Variants in CNTN5 observed in about 807,000 individuals in gnomAD.
The protein encoded by CNTN5 is contactin-5.
CNTN5 carries 77 observed loss-of-function variants against 129.1 expected under a neutral mutation model. The ratio of observed to expected loss-of-function variants is 0.60; its 90% CI spans 0.50 to 0.72. The LOEUF is 0.72. Among genes scored for constraint, CNTN5 ranks in the 30% least tolerant of loss-of-function variants. CNTN5 has a pLI of 0.00. For synonymous variants in CNTN5, 509 were observed against 465.6 expected, an observed-to-expected ratio of 1.09 and a Z score of -1.20; for missense variants, 1,478 against 1,328.8, an observed-to-expected ratio of 1.11 and a Z score of -1.75.
chr11:99,492,383 G>T (rs1946070108), intron 2 of CNTN5, among the ~76,000 whole-genome samples: 1 of 152,124 alleles, frequency 6.6e-6, no homozygotes, highest in Non-Finnish European at 1.5e-5. Flanking sequence ...TAAACTGGAA[G>T]AATTTATTTT....
In CNTN5 at chr11:99,252,954, C is replaced by A. The variant is rs1862187102; in HGVS notation, c.-209-72392C>A. Among the ~76,000 whole-genome samples, 2 of 55,292 alleles carry A rather than the reference C, an allele frequency of 3.6e-5. 1 individual carries two copies. The highest frequency in any genetic ancestry group is 7.9e-5 in the Non-Finnish European group (2 of 25,186). 36.3% of individuals were successfully genotyped at this position (55,292 alleles called of 152,430 possible). A position where few individuals can be genotyped will look rare whatever the true frequency, so the allele number is the denominator to read the frequency against. On this transcript the variant is annotated intron_variant, in intron 1 of 24. Coordinates refer to ENST00000524871, the MANE Select transcript of CNTN5 (RefSeq NM_014361.4). ...GATGCTATAGCAAGTTCTCTTAAAT[C>A]TCTTTTTTTTTTTTGGCTTTCACAT...
chr11:99,478,243 A>G (rs1945458229), intron 2 of CNTN5, among the ~76,000 whole-genome samples: 1 of 151,986 alleles, frequency 6.6e-6, no homozygotes, highest in African/African-American at 2.4e-5. Context: ...TTATCTGAAG[A>G]CTCAGTTGGA....
At chr11:100,353,824 G>C (rs1012349878) in intron 24 of CNTN5, among the ~76,000 whole-genome samples, 1 of 151,514 alleles carries the variant, frequency 6.6e-6, no homozygotes, top group African/African-American at 2.4e-5. Context: ...GCACGCCCAT[G>C]TGTGTGTTTA....
chr11:100,148,565 C>G (rs1340999137), intron 13 of CNTN5, among the ~76,000 whole-genome samples: 1 of 152,128 alleles, frequency 6.6e-6, no homozygotes, highest in Non-Finnish European at 1.5e-5. Flanking sequence ...CCTTTGATCT[C>G]AAGTATTTGT....
intron 2 of CNTN5, among the ~76,000 whole-genome samples, chr11:99,453,271 T>C (rs949935398): frequency 5.3e-5 from 8 of 152,318 alleles, no homozygotes; most frequent in Admixed American, 3.3e-4. Context: ...ACTCAATTTT[T>C]ACTAATCGTA....
chr11:99,663,181 G>T (rs941281263), intron 3 of CNTN5, among the ~76,000 whole-genome samples: 1 of 152,204 alleles, frequency 6.6e-6, no homozygotes, highest in African/African-American at 2.4e-5. Context: ...ATTAAGAAAA[G>T]AAATAGGCAG....
chr11:100,026,378 T>C (rs1256570444), intron 9 of CNTN5, among the ~76,000 whole-genome samples: 1 of 152,166 alleles, frequency 6.6e-6, no homozygotes, highest in African/African-American at 2.4e-5. Context: ...AAGTTCTTTA[T>C]AGCACTGTGA....
chr11:99,174,156 G>A (rs1463611284), intron 1 of CNTN5, among the ~76,000 whole-genome samples: 3 of 152,096 alleles, frequency 2.0e-5, no homozygotes, highest in South Asian at 2.1e-4. Flanking sequence ...CTGCCACCAC[G>A]CCTGACTAAT....
chr11:99,930,194 C>A lies in CNTN5; in HGVS notation c.673+14045C>A, dbSNP rs552917210. 7.2e-5 allele frequency among the ~76,000 whole-genome samples: 11 copies of A among 152,178 alleles called. No individual in the cohort carries two copies. In the East Asian group the frequency reaches 2.1e-3, roughly 30 times the overall value. ...GCAGTTTTCCCTTGCCAATCTAGCTCCCCCAGAGGAAGGTCATATACTGAT... is the reference window on the plus strand; with the variant it reads ...GCAGTTTTCCCTTGCCAATCTAGCTACCCCAGAGGAAGGTCATATACTGAT... On this transcript the variant is annotated intron_variant, in intron 7 of 24. Transcript: ENST00000524871.
chr11:99,946,727 A>G (rs1171236505), intron 7 of CNTN5, among the ~76,000 whole-genome samples: 1 of 151,948 alleles, frequency 6.6e-6, no homozygotes. Context: ...AACAGTGGCC[A>G]CTCAATTACT....
chr11:99,658,733 A>G (rs1952479163), intron 3 of CNTN5, among the ~76,000 whole-genome samples: 1 of 147,666 alleles, frequency 6.8e-6, no homozygotes, highest in Non-Finnish European at 1.5e-5. Context: ...ATATATATAT[A>G]TAAAATTAGC....
Position 99,470,763 on chromosome 11 carries a change from T to G in CNTN5, c.-70-85382T>G, listed in dbSNP as rs535382887. On this transcript the variant is annotated intron_variant, in intron 2 of 24. Transcript: ENST00000524871. ...ATATATAAGCTCAGTCTTGGAAATGTGCCTAAATTTTTAATTTACAATTAA... is the reference window on the plus strand; with the variant it reads ...ATATATAAGCTCAGTCTTGGAAATGGGCCTAAATTTTTAATTTACAATTAA... Among the ~76,000 whole-genome samples the G allele has an allele frequency of 1.5e-4, 23 of 151,992 alleles. 1 individual carries two copies. Among genetic ancestry groups the G allele is most frequent in the African/African-American group, 5.5e-4 (23 of 41,470 alleles).
chr11:99,840,856 T>C (rs7109987), intron 4 of CNTN5, among the ~76,000 whole-genome samples: 148,525 of 152,264 alleles, frequency 0.98, 72,515 homozygotes, highest in East Asian at 1. Flanking sequence ...TGTAAGTATA[T>C]GGATTTAAAC....
intron 2 of CNTN5, among the ~76,000 whole-genome samples, chr11:99,534,893 A>T (rs1406779826): frequency 6.6e-6 from 1 of 152,140 alleles, no homozygotes; most frequent in African/African-American, 2.4e-5. Context: ...AGCATTCTAG[A>T]TTTACCCAAG....
At chr11:99,937,111 A>G (rs998736322) in intron 7 of CNTN5, among the ~76,000 whole-genome samples, 3 of 152,224 alleles carry the variant, frequency 2.0e-5, no homozygotes, top group Non-Finnish European at 4.4e-5. Context: ...ATCTTTCTAA[A>G]TTAATTTAGT....
At chr11:99,883,896 G>A (rs957724647) in intron 6 of CNTN5, among the ~76,000 whole-genome samples, 4 of 152,108 alleles carry the variant, frequency 2.6e-5, no homozygotes, top group Non-Finnish European at 5.9e-5. Flanking sequence ...TAGAAGCCAC[G>A]TCTTCTGCAA....
At chr11:99,552,815 G>T (rs950100792) in intron 2 of CNTN5, among the ~76,000 whole-genome samples, 5 of 152,000 alleles carry the variant, frequency 3.3e-5, no homozygotes, top group Non-Finnish European at 7.4e-5. Context: ...TCTTTCTCTC[G>T]CTGGTTCTCT....
chr11:99,058,687 G>A (rs1037959211), intron 1 of CNTN5, among the ~76,000 whole-genome samples: 2 of 151,726 alleles, frequency 1.3e-5, no homozygotes, highest in African/African-American at 2.4e-5. Context: ...TCCTATGCTT[G>A]CTTCTCCAAT....
chr11:100,192,027 A>C (rs1948509049), intron 14 of CNTN5, among the ~76,000 whole-genome samples: 1 of 152,010 alleles, frequency 6.6e-6, no homozygotes, highest in Non-Finnish European at 1.5e-5. Context: ...ATAAAAATGT[A>C]ATTAATACAT....
Sources: gnomAD v4.1 joint callset for allele counts (sites outside exome capture counted in the v4.1 genomes callset) on GRCh38, gnomAD v4.1.1 for gene constraint, MANE v1.5 for transcripts, NCBI Gene and HGNC (gene_info 2026-07-23, HGNC 2026-07-21) for gene names.